THSD7B: variants seen among roughly 807,000 people sequenced by gnomAD.
THSD7B encodes thrombospondin type 1 domain containing 7B.
THSD7B carries 138 observed loss-of-function variants against 213.6 expected under a neutral mutation model. The observed-to-expected ratio is 0.65, with a 90% confidence interval of 0.56 to 0.74. The LOEUF (loss-of-function observed/expected upper bound fraction) is 0.74. Ranked by LOEUF, THSD7B falls within the 30% of genes least tolerant of loss-of-function variation. The probability of loss-of-function intolerance (pLI) is 0.00; values close to 1 mark genes in which losing one functional copy is unlikely to be tolerated. For missense variants in THSD7B, 1,931 were observed against 1,991.5 expected, an observed-to-expected ratio of 0.97 and a Z score of 0.58; for synonymous variants, 742 against 687.0, an observed-to-expected ratio of 1.08 and a Z score of -1.25.
intron 15 of THSD7B, among the ~76,000 whole-genome samples, chr2:137,562,778 C>A (rs765845): frequency 6.6e-6 from 1 of 152,062 alleles, no homozygotes; most frequent in Non-Finnish European, 1.5e-5. Context: ...TATCACTTTT[C>A]TTATGCATTG....
chr2:137,159,437 T>A (rs530413002), intron 5 of THSD7B, among the ~76,000 whole-genome samples: 1 of 137,144 alleles, frequency 7.3e-6, no homozygotes, highest in Non-Finnish European at 1.7e-5. Context: ...CAAAAAAAAA[T>A]TAATTAATTA....
Position 137,176,583 on chromosome 2 carries a change from C to A in THSD7B, c.1723+5645C>A, listed in dbSNP as rs145417446. ...CAGAAGTAATGGGTTGTAGCACACACCTTTGTTTCCTGCCCAGATCCCCTT... is the reference window on the plus strand; with the variant it reads ...CAGAAGTAATGGGTTGTAGCACACAACTTTGTTTCCTGCCCAGATCCCCTT... On this transcript the variant is annotated intron_variant, in intron 7 of 27. Transcript: ENST00000409968. Among the ~76,000 whole-genome samples the A allele has an allele frequency of 2.6e-5, 4 of 152,172 alleles. 1 individual carries two copies. The highest frequency in any genetic ancestry group is 1.3e-4 in the Admixed American group (2 of 15,264).
intron 1 of THSD7B, among the ~76,000 whole-genome samples, chr2:136,799,321 T>A (rs1179213743): frequency 2.0e-5 from 3 of 152,034 alleles, no homozygotes; most frequent in Non-Finnish European, 1.5e-5. Context: ...ATTTTAACAT[T>A]TAAGTTTCAC....
At chr2:137,586,093 CCTT>C (rs1681720259) in intron 17 of THSD7B, among the ~76,000 whole-genome samples, 1 of 152,066 alleles carries the variant, frequency 6.6e-6, no homozygotes, top group Admixed American at 6.6e-5. Context: ...TATGTAATGG[CCTT>C]CTTTGTCTCT....
intron 4 of THSD7B, among the ~76,000 whole-genome samples, chr2:137,113,114 GTTC>G (rs1323335398): frequency 6.6e-6 from 1 of 152,138 alleles, no homozygotes; most frequent in Admixed American, 6.5e-5. Context: ...AGGCCAGAAA[GTTC>G]TTCTTTTGGG....
chr2:137,646,225 C>G (rs559097848), intron 21 of THSD7B, among the ~76,000 whole-genome samples: 1 of 152,082 alleles, frequency 6.6e-6, no homozygotes, highest in Non-Finnish European at 1.5e-5. Context: ...GATAAGGGCA[C>G]GAGGGCTCCG....
chr2:136,991,845 A>G (rs924021265), intron 2 of THSD7B, among the ~76,000 whole-genome samples: 1 of 152,172 alleles, frequency 6.6e-6, no homozygotes, highest in Non-Finnish European at 1.5e-5. Flanking sequence ...TGTCAAGAGT[A>G]TTTTGTAATT....
Position 137,115,115 on chromosome 2 carries a change from A to G in THSD7B, c.1200-9A>G. On this transcript the variant is annotated splice_polypyrimidine_tract_variant and intron_variant, in intron 4 of 27. Coordinates refer to ENST00000409968, the MANE Select transcript of THSD7B (RefSeq NM_001316349.2). ...CTTCTTCTTCTTTTAAATAAACCAAACCAAACAGGTATTCCTGGAGAACTT... is the reference window on the plus strand; with the variant it reads ...CTTCTTCTTCTTTTAAATAAACCAAGCCAAACAGGTATTCCTGGAGAACTT... The G allele has an allele frequency of 6.2e-7, 1 of 1,613,886 alleles. No individual in the cohort carries two copies. Among genetic ancestry groups the G allele is most frequent in the East Asian group, 2.2e-5 (1 of 44,870 alleles).
chr2:137,675,548 C>T (rs529018205), intron 27 of THSD7B, among the ~76,000 whole-genome samples: 45 of 151,570 alleles, frequency 3.0e-4, no homozygotes, highest in African/African-American at 1.0e-3. Flanking sequence ...GGAAGGTAAA[C>T]AGCCTTGGTA....
intron 20 of THSD7B, among the ~76,000 whole-genome samples, chr2:137,635,747 C>T (rs544107741): frequency 6.6e-6 from 1 of 151,070 alleles, no homozygotes; most frequent in Non-Finnish European, 1.5e-5. Context: ...AACGGAGTCA[C>T]AGGCTACAGT....
rs150575508 is a variant in THSD7B at position 137,227,259 on chromosome 2, C to T, written c.1724-3785C>T. Among the ~76,000 whole-genome samples the T allele has an allele frequency of 3.4e-3, 514 of 152,200 alleles. 4 individuals are homozygous for T. Among genetic ancestry groups the T allele is most frequent in the Middle Eastern group, 0.017 (5 of 294 alleles). On this transcript the variant is annotated intron_variant, in intron 7 of 27. Transcript: ENST00000409968. ...CCCAAGTGACACGGTCAAAGCAGAA[C>T]GATTTTCCATTTTTCCAGAATCATA... is the stretch of plus-strand genomic sequence containing the variant.
intron 3 of THSD7B, among the ~76,000 whole-genome samples, chr2:137,065,498 C>G (rs913159596): frequency 6.6e-6 from 1 of 151,420 alleles, no homozygotes; most frequent in Non-Finnish European, 1.5e-5. Flanking sequence ...ATTTTTTTCT[C>G]TTGTCTGATT....
At chr2:137,395,146 C>T (rs1488906156) in intron 12 of THSD7B, among the ~76,000 whole-genome samples, 2 of 144,346 alleles carry the variant, frequency 1.4e-5, no homozygotes, top group Non-Finnish European at 3.1e-5. Flanking sequence ...TAATTGAATA[C>T]CCTTTATTTC....
At chr2:136,846,053 T>C (rs1683004892) in intron 1 of THSD7B, among the ~76,000 whole-genome samples, 1 of 152,154 alleles carries the variant, frequency 6.6e-6, no homozygotes, top group Non-Finnish European at 1.5e-5. Context: ...GATGACTCCT[T>C]AGACTTCCCA....
chr2:137,152,564 G>T (rs1006061506), intron 5 of THSD7B, among the ~76,000 whole-genome samples: 3 of 152,196 alleles, frequency 2.0e-5, no homozygotes, highest in African/African-American at 7.2e-5. Context: ...CTGAGTGGTT[G>T]TGATGAGTAA....
chr2:137,126,037 T>C (rs1688624227), intron 5 of THSD7B, among the ~76,000 whole-genome samples: 1 of 152,106 alleles, frequency 6.6e-6, no homozygotes, highest in Admixed American at 6.5e-5. Context: ...TATGTTGGGG[T>C]TTGTTATTCC....
intron 15 of THSD7B, among the ~76,000 whole-genome samples, chr2:137,464,413 A>G (rs1687948222): frequency 6.6e-6 from 1 of 152,120 alleles, no homozygotes; most frequent in Non-Finnish European, 1.5e-5. Context: ...GAAGAAGCCA[A>G]GAGAGACACA....
intron 12 of THSD7B, among the ~76,000 whole-genome samples, chr2:137,400,925 G>T (rs1204515460): frequency 6.6e-6 from 1 of 152,144 alleles, no homozygotes; most frequent in African/African-American, 2.4e-5. Flanking sequence ...AGGGGCATTT[G>T]CCAGCCCTGA....
chr2:137,476,533 A>C (rs1688196496), intron 15 of THSD7B, among the ~76,000 whole-genome samples: 1 of 152,130 alleles, frequency 6.6e-6, no homozygotes, highest in South Asian at 2.1e-4. Flanking sequence ...TTTTTTCTGC[A>C]TATGGATGTC....
Sources: gnomAD v4.1 joint callset for allele counts (sites outside exome capture counted in the v4.1 genomes callset) on GRCh38, gnomAD v4.1.1 for gene constraint, MANE v1.5 for transcripts, NCBI Gene and HGNC (gene_info 2026-07-23, HGNC 2026-07-21) for gene names.